ZBTB8B: variants seen among roughly 807,000 people sequenced by gnomAD.
The protein encoded by ZBTB8B is zinc finger and BTB domain containing 8B, also known as zinc finger and BTB domain-containing protein 8B.
A neutral mutation model predicts 30.3 loss-of-function variants in ZBTB8B; 17 were observed. The ratio of observed to expected loss-of-function variants is 0.56; its 90% CI spans 0.38 to 0.84. ZBTB8B has a LOEUF of 0.84. ZBTB8B is among the 40% of genes least tolerant of loss of function. ZBTB8B has a pLI of 0.00. For synonymous variants in ZBTB8B, 248 were observed against 255.6 expected (o/e 0.97, Z 0.28); for missense variants, 515 against 644.9 (o/e 0.80, Z 2.18).
intron 2 of ZBTB8B, among the ~76,000 whole-genome samples, chr1:32,474,731 G>T (rs1168025940): frequency 6.6e-6 from 1 of 152,120 alleles, no homozygotes; most frequent in Non-Finnish European, 1.5e-5. Flanking sequence ...AGTCTCTCAT[G>T]GTGTCCCATG....
Position 32,471,059 on chromosome 1 carries a change from T to G in ZBTB8B, c.435T>G (p.Ala145=), listed in dbSNP as rs553204369. Residue 145 remains alanine, a synonymous_variant, in exon 2 of 4, where the codon GCT becomes GCG. Transcript: ENST00000609129. Reference sequence around the variant, plus strand: ...CAGTGGCGGCGGCAGCGGCGGCGGCTGCAGCGGCGGCAGCAGCGGCGGCTC... The same window carrying G: ...CAGTGGCGGCGGCAGCGGCGGCGGCGGCAGCGGCGGCAGCAGCGGCGGCTC... ...AAAVAAAAAA[A]AAAAAAAAHQ... The G allele has an allele frequency of 5.4e-4, 835 of 1,544,580 alleles. 3 individuals carry two copies. The South Asian group carries it at 8.8e-3, about 16-fold the overall frequency.
rs1198787517 is a variant in ZBTB8B, at chr1:32,495,883, A to G, written c.*10465A>G. Reference sequence around the variant, plus strand: ...GGCAACAGAATGAGACCCTGTCTCAAAAAAAAAGGTTTTTTTTTAATTGAA... The same window carrying G: ...GGCAACAGAATGAGACCCTGTCTCAGAAAAAAAGGTTTTTTTTTAATTGAA... On this transcript the variant is annotated 3_prime_UTR_variant, in exon 4 of 4. Coordinates refer to ENST00000609129, the MANE Select transcript of ZBTB8B (RefSeq NM_001145720.2). 3 of 151,942 alleles carry G rather than the reference A, an allele frequency of 2.0e-5. No individual in the cohort carries two copies. Among genetic ancestry groups the G allele is most frequent in the Admixed American group, 6.6e-5 (1 of 15,242 alleles). 9.4% of individuals were successfully genotyped at this position (151,942 alleles called of 1,614,324 possible). A position where few individuals can be genotyped will look rare whatever the true frequency, so the allele number is the denominator to read the frequency against.
At position 32,474,377 on chromosome 1, in the gene ZBTB8B, A is replaced by AAAAAATTG. The variant is rs1553170606; in HGVS notation, c.991+2770_991+2777dup. On this transcript the variant is annotated intron_variant, in intron 2 of 3. Coordinates refer to ENST00000609129, the MANE Select transcript of ZBTB8B (RefSeq NM_001145720.2). ...AAAAAAAAAAAAAAAAAAAAAAAAA[A>AAAAAATTG]AAAAATTGAAAAATTAGCCAGGCGT... Among the ~76,000 whole-genome samples the AAAAAATTG allele has an allele frequency of 9.5e-3, 1,314 of 137,836 alleles. 18 individuals carry two copies. Among genetic ancestry groups the AAAAAATTG allele is most frequent in the Non-Finnish European group, 0.013 (836 of 63,436 alleles). 90.4% of individuals were successfully genotyped at this position (137,836 alleles called of 152,430 possible).
chr1:32,491,205 G>A lies in ZBTB8B; in HGVS notation c.*5787G>A, dbSNP rs949210884. The A allele has an allele frequency of 6.6e-6, 1 of 152,176 alleles. No individual in the cohort carries two copies. The highest frequency in any genetic ancestry group is 1.5e-5 in the Non-Finnish European group (1 of 68,032). 9.4% of individuals were successfully genotyped at this position (152,176 alleles called of 1,614,324 possible). A position where few individuals can be genotyped will look rare whatever the true frequency, so the allele number is the denominator to read the frequency against. ...GCATCAATTTCATATACAGGTCTTGGTGACATGTAATGGATATGGATTATC... is the reference window on the plus strand; with the variant it reads ...GCATCAATTTCATATACAGGTCTTGATGACATGTAATGGATATGGATTATC... On this transcript the variant is annotated 3_prime_UTR_variant, in exon 4 of 4. Transcript: ENST00000609129.
rs187473455 is a variant in ZBTB8B at position 32,480,220 on chromosome 1, A to T, written c.992-671A>T. ...GGTGAGGCCTCTTCCTGATTTGCAG[A>T]TGGCAGCCTTCCCACTGTGTCCTCA... is the stretch of plus-strand genomic sequence containing the variant. On this transcript the variant is annotated intron_variant, in intron 2 of 3. Coordinates refer to ENST00000609129, the MANE Select transcript of ZBTB8B (RefSeq NM_001145720.2). 2.4e-3 allele frequency among the ~76,000 whole-genome samples: 362 copies of T among 147,794 alleles called. 2 individuals are homozygous for T. Among genetic ancestry groups the T allele is most frequent in the African/African-American group, 8.2e-3 (327 of 40,038 alleles).
At chr1:32,472,610 T>C (rs940839028) in intron 2 of ZBTB8B, among the ~76,000 whole-genome samples, 2 of 151,744 alleles carry the variant, frequency 1.3e-5, no homozygotes, top group Non-Finnish European at 2.9e-5. Context: ...GACTATTTGA[T>C]TGATTGATTG....
rs1027384330 is a variant in ZBTB8B at position 32,494,990 on chromosome 1, G to A, written c.*9572G>A. The stretch of plus-strand genomic sequence containing the variant: ...ATTTTTGTATTTTTAGAAGAGATGG[G>A]GTTTCATTTTGGTCAGGCTGGTCTC... On this transcript the variant is annotated 3_prime_UTR_variant, in exon 4 of 4. Transcript: ENST00000609129. The A allele has an allele frequency of 1.3e-5, 2 of 152,058 alleles. No homozygotes were observed. Among genetic ancestry groups the A allele is most frequent in the Non-Finnish European group, 2.9e-5 (2 of 68,044 alleles). The allele number at this position is 152,058 out of a possible 1,614,324, so 9.4% of individuals were successfully genotyped here.
In ZBTB8B at chr1:32,485,966, T is replaced by A. The variant is rs1005177955; in HGVS notation, c.*548T>A. 6.5e-6 allele frequency: 1 copy of A among 154,884 alleles called. No homozygotes were observed. The highest frequency in any genetic ancestry group is 2.4e-5 in the African/African-American group (1 of 41,428). 9.6% of individuals were successfully genotyped at this position (154,884 alleles called of 1,614,324 possible). On this transcript the variant is annotated 3_prime_UTR_variant, in exon 4 of 4. Transcript: ENST00000609129. ...AGGTACTCCCTAAATCTAGAACAAT[T>A]TTAAAGGCTTGGAATACTTATGGGC...
Position 32,480,906 on chromosome 1 carries a change from T to C in ZBTB8B, c.1007T>C (p.Val336Ala). The C allele has an allele frequency of 6.4e-7, 1 of 1,551,496 alleles. No individual in the cohort carries two copies. The highest frequency in any genetic ancestry group is 1.4e-5 in the African/African-American group (1 of 73,154). The change falls in exon 3 of 4, where the codon GTC becomes GCC. Residue 336 changes from valine to alanine, a missense_variant. By Grantham distance (64) the Val-to-Ala change is moderately conservative. Coordinates refer to ENST00000609129, the MANE Select transcript of ZBTB8B (RefSeq NM_001145720.2). ...YGEDSGDVLV[V>A]PIKLHKCPFC... is the part of the protein sequence containing the mutation. ...GGTTCCCCAGGTGATGTGCTGGTGG[T>C]CCCCATCAAGCTCCACAAGTGTCCT...
At position 32,476,737 on chromosome 1, in the gene ZBTB8B, C is replaced by T. The variant is rs541642022; in HGVS notation, c.992-4154C>T. Among the ~76,000 whole-genome samples, 115 of 150,236 alleles carry T rather than the reference C, an allele frequency of 7.7e-4. 1 individual carries two copies. The highest frequency in any genetic ancestry group is 2.7e-3 in the African/African-American group (108 of 40,678). ...CCTGGAGTTGGAGGTTGCAGTGAGC[C>T]GAGGTCGCACCACTGCACTCCAGCC... On this transcript the variant is annotated intron_variant, in intron 2 of 3. Coordinates refer to ENST00000609129, the MANE Select transcript of ZBTB8B (RefSeq NM_001145720.2).
At position 32,483,244 on chromosome 1, in the gene ZBTB8B, C is replaced by CAAAAAAAAAAAAAAAA. The variant is rs59559091; in HGVS notation, c.1171-1841_1171-1826dup. Reference sequence around the variant, plus strand: ...CGAAACCCCTTATCTACTAAAAATCCAAAAAAAAAAAAAAAAAAAAAAAAA... The same window carrying CAAAAAAAAAAAAAAAA: ...CGAAACCCCTTATCTACTAAAAATCCAAAAAAAAAAAAAAAAAAAAAAAAAAAAAAAAAAAAAAAAA... On this transcript the variant is annotated intron_variant, in intron 3 of 3. Transcript: ENST00000609129. 7.1e-5 allele frequency among the ~76,000 whole-genome samples: 4 copies of CAAAAAAAAAAAAAAAA among 56,382 alleles called. 2 individuals carry two copies. The highest frequency in any genetic ancestry group is 5.6e-5 in the Non-Finnish European group (2 of 35,992). The allele number at this position is 56,382 out of a possible 152,430, so 37.0% of individuals were successfully genotyped here.
chr1:32,485,224 G>A lies in ZBTB8B; in HGVS notation c.1294G>A (p.Asp432Asn), dbSNP rs564670427. ...DSCTCVTDTP[D>N]DDDDLMPINL... ...CTGCACCTGCGTTACAGACACACCCGATGATGATGATGATTTGATGCCCAT... is the reference window on the plus strand; with the variant it reads ...CTGCACCTGCGTTACAGACACACCCAATGATGATGATGATTTGATGCCCAT... The change falls in exon 4 of 4, where the codon GAT becomes AAT. Residue 432 changes from aspartate to asparagine, a missense_variant. Transcript: ENST00000609129. 6.3e-5 allele frequency: 98 copies of A among 1,551,576 alleles called. No homozygotes were observed. Among genetic ancestry groups the A allele is most frequent in the Non-Finnish European group, 7.1e-5 (81 of 1,146,800 alleles).
chr1:32,470,987 C>T lies in ZBTB8B; in HGVS notation c.363C>T (p.Ser121=), dbSNP rs1172037938. ...TCTGCAAGACATACATTAGGTCATCCCTCGACATTTGCCGAAAGATGGAGA... is the reference window on the plus strand; with the variant it reads ...TCTGCAAGACATACATTAGGTCATCTCTCGACATTTGCCGAAAGATGGAGA... ...VNFCKTYIRS[S]LDICRKMEKE... is the part of the protein sequence containing the mutation. The change falls in exon 2 of 4, where the codon TCC becomes TCT. Residue 121 remains serine (S), a synonymous_variant. Transcript: ENST00000609129. 3.9e-6 allele frequency: 6 copies of T among 1,552,116 alleles called. No individual in the cohort carries two copies. The East Asian group carries it at 7.3e-5, about 19-fold the overall frequency.
At chr1:32,478,600 G>T (rs1643681203) in intron 2 of ZBTB8B, among the ~76,000 whole-genome samples, 1 of 152,180 alleles carries the variant, frequency 6.6e-6, no homozygotes, top group African/African-American at 2.4e-5. Flanking sequence ...TCTCACATAT[G>T]TGAGCAGTGA....
At chr1:32,467,255 T>C (rs1643578544) in intron 1 of ZBTB8B, among the ~76,000 whole-genome samples, 1 of 151,498 alleles carries the variant, frequency 6.6e-6, no homozygotes, top group Non-Finnish European at 1.5e-5. Flanking sequence ...TTTTTTTTTT[T>C]TTTTTGAGAT....
At chr1:32,467,646 A>G (rs556298004) in intron 1 of ZBTB8B, among the ~76,000 whole-genome samples, 285 of 152,316 alleles carry the variant, frequency 1.9e-3, no homozygotes, top group African/African-American at 6.4e-3. Context: ...TTTTGTCCAA[A>G]GCACTCTGCC....
intron 2 of ZBTB8B, among the ~76,000 whole-genome samples, chr1:32,475,686 G>T (rs1430933613): frequency 6.6e-6 from 1 of 152,168 alleles, no homozygotes; most frequent in Non-Finnish European, 1.5e-5. Flanking sequence ...TGGTAGTCCA[G>T]AAGGAGAACT....
intron 2 of ZBTB8B, among the ~76,000 whole-genome samples, chr1:32,477,187 A>C (rs1313935404): frequency 1.3e-5 from 2 of 152,218 alleles, no homozygotes; most frequent in Non-Finnish European, 2.9e-5. Flanking sequence ...TCCTAGGGAA[A>C]ATCATCACTT....
In ZBTB8B at chr1:32,470,770, T is replaced by A; in HGVS notation, c.146T>A (p.Phe49Tyr). The change falls in exon 2 of 4, where the codon TTC becomes TAC. Residue 49 changes from phenylalanine (F) to tyrosine (Y), a missense_variant. By Grantham distance (22) the Phe-to-Tyr change is conservative. This residue lies in a region of ZBTB8B where 61 missense variants were observed against 117.7 expected (regional missense o/e 0.52). Transcript: ENST00000609129. ...RNILFANSGY[F>Y]RALLIHYIQD... ...ATTTTGTTTGCTAACAGCGGCTACT[T>A]CCGAGCCCTGCTCATTCACTATATC... The A allele has an allele frequency of 1.3e-6, 2 of 1,551,780 alleles. No homozygotes were observed. The highest frequency in any genetic ancestry group is 1.7e-6 in the Non-Finnish European group (2 of 1,147,018).
Sources: allele counts gnomAD v4.1 joint callset (sites outside exome capture counted in the v4.1 genomes callset), GRCh38; gene constraint gnomAD v4.1.1; regional missense constraint gnomAD v4.1.1; transcripts MANE v1.5; gene names NCBI Gene and HGNC (gene_info 2026-07-23, HGNC 2026-07-21).